DOCK4: variants seen among roughly 807,000 people sequenced by gnomAD.
DOCK4 encodes dedicator of cytokinesis protein 4.
Under a neutral mutation model 268.1 loss-of-function variants are expected in DOCK4, and 97 were observed. The ratio of observed to expected loss-of-function variants is 0.36; its 90% confidence interval spans 0.31 to 0.43. DOCK4 has a LOEUF of 0.43. Ranked by LOEUF, DOCK4 falls within the 20% of genes least tolerant of loss-of-function variation. The pLI is 1.00. For synonymous variants in DOCK4, 954 were observed against 887.2 expected (o/e 1.08, Z -1.34); for missense variants, 2,145 against 2,455.7 (o/e 0.87, Z 2.67).
chr7:111,855,364 T>G (rs1438063429), intron 23 of DOCK4, among the ~76,000 whole-genome samples: 1 of 151,808 alleles, frequency 6.6e-6, no homozygotes, highest in African/African-American at 2.4e-5. Flanking sequence ...CACGTGAGGT[T>G]TCTTGGCCAC....
At chr7:111,913,554 C>T (rs112012093) in intron 13 of DOCK4, among the ~76,000 whole-genome samples, 2,547 of 150,452 alleles carry the variant, frequency 0.017, 77 homozygotes, top group African/African-American at 0.057. Flanking sequence ...GGACTACAGG[C>T]GCCCGCCACC....
At chr7:111,999,350 T>C (rs976931051) in intron 3 of DOCK4, among the ~76,000 whole-genome samples, 3 of 152,066 alleles carry the variant, frequency 2.0e-5, no homozygotes, top group African/African-American at 4.8e-5. Context: ...GTAGTAAATA[T>C]ATATATGTAG....
At chr7:111,993,680 C>G (rs1586594471) in intron 5 of DOCK4, among the ~76,000 whole-genome samples, 2 of 152,108 alleles carry the variant, frequency 1.3e-5, no homozygotes, top group African/African-American at 4.8e-5. Flanking sequence ...AAACACAGAT[C>G]CTTTTTCCCC....
intron 16 of DOCK4, among the ~76,000 whole-genome samples, chr7:111,878,424 G>A (rs1256827040): frequency 6.6e-6 from 1 of 152,110 alleles, no homozygotes; most frequent in African/African-American, 2.4e-5. Context: ...ATTCTCCTGC[G>A]CCAACCCCAG....
intron 6 of DOCK4, among the ~76,000 whole-genome samples, chr7:111,987,789 C>T (rs2135203054): frequency 6.6e-6 from 1 of 152,350 alleles, no homozygotes; most frequent in Non-Finnish European, 1.5e-5. Flanking sequence ...AGCTCCCAGT[C>T]CTGTGCTCTT....
intron 1 of DOCK4, among the ~76,000 whole-genome samples, chr7:112,179,770 G>T (rs1019139788): frequency 6.6e-6 from 1 of 152,140 alleles, no homozygotes; most frequent in African/African-American, 2.4e-5. Context: ...AGATTTAGGA[G>T]ATTAGTATAG....
intron 1 of DOCK4, among the ~76,000 whole-genome samples, chr7:112,040,123 A>G (rs1804223186): frequency 6.6e-6 from 1 of 152,188 alleles, no homozygotes; most frequent in Admixed American, 6.5e-5. Flanking sequence ...GAGAAAGCTT[A>G]ATGAAACTGA....
At chr7:112,111,333 A>G (rs1461945957) in intron 1 of DOCK4, among the ~76,000 whole-genome samples, 1 of 151,600 alleles carries the variant, frequency 6.6e-6, no homozygotes, top group Non-Finnish European at 1.5e-5. Flanking sequence ...GGGAGGGGGT[A>G]GGGAAGGCCT....
chr7:112,043,988 A>G (rs960056783), intron 1 of DOCK4, among the ~76,000 whole-genome samples: 1 of 150,696 alleles, frequency 6.6e-6, no homozygotes, highest in Admixed American at 6.6e-5. Context: ...TCTCTTGGAT[A>G]GCACTTAACA....
chr7:112,186,501 G>A (rs1478835734), intron 1 of DOCK4, among the ~76,000 whole-genome samples: 2 of 152,232 alleles, frequency 1.3e-5, no homozygotes, highest in African/African-American at 4.8e-5. Flanking sequence ...TAGTTGTCAT[G>A]AGCACGGAAT....
intron 51 of DOCK4, among the ~76,000 whole-genome samples, chr7:111,733,463 A>C (rs1225756306): frequency 6.6e-6 from 1 of 152,192 alleles, no homozygotes; most frequent in African/African-American, 2.4e-5. Flanking sequence ...TACCAGCCTT[A>C]GTTCTCCTAT....
chr7:111,876,944 A>G, intron 17 of DOCK4, 86 bp downstream of exon 17: 3 of 1,187,818 alleles, frequency 2.5e-6, no homozygotes, highest in Non-Finnish European at 1.1e-6. Flanking sequence ...GTTCTTAACT[A>G]TCACTTTGGT....
intron 1 of DOCK4, among the ~76,000 whole-genome samples, chr7:112,182,605 A>G (rs1819155582): frequency 6.6e-6 from 1 of 152,250 alleles, no homozygotes; most frequent in Admixed American, 6.5e-5. Context: ...AGAGAGAAAC[A>G]CAATTAAGAG....
chr7:111,932,399 A>G lies in DOCK4; in HGVS notation c.1066+3141T>C, dbSNP rs879575621. On this transcript the variant is annotated intron_variant, in intron 12 of 52. Coordinates refer to ENST00000428084, the MANE Select transcript of DOCK4 (RefSeq NM_001363540.2). ...CAAGCAAATTAAGGTAACAGGACGCATAGGGAGAAAGAACAAGATACACCA... is the reference window on the plus strand; with the variant it reads ...CAAGCAAATTAAGGTAACAGGACGCGTAGGGAGAAAGAACAAGATACACCA... Among the ~76,000 whole-genome samples the G allele has an allele frequency of 6.6e-5, 10 of 152,306 alleles. No individual in the cohort carries two copies. The Middle Eastern group carries it at 0.01, about 155-fold the overall frequency.
At chr7:112,108,168 A>G (rs1192594844) in intron 1 of DOCK4, among the ~76,000 whole-genome samples, 2 of 152,236 alleles carry the variant, frequency 1.3e-5, no homozygotes, top group East Asian at 3.8e-4. Context: ...ACATGCTTAG[A>G]TATATGTTGA....
At chr7:112,200,353 G>C (rs1264148651) in intron 1 of DOCK4, among the ~76,000 whole-genome samples, 1 of 152,130 alleles carries the variant, frequency 6.6e-6, no homozygotes, top group Non-Finnish European at 1.5e-5. Context: ...AGTCAAACAA[G>C]ATTAAAAGCT....
chr7:111,994,747 A>C (rs981256775), intron 4 of DOCK4, among the ~76,000 whole-genome samples: 16 of 152,206 alleles, frequency 1.1e-4, no homozygotes, highest in Non-Finnish European at 4.4e-5. Context: ...GATCTCGGTA[A>C]CACTTAATTT....
At chr7:111,750,272 T>C (rs745723695) in intron 42 of DOCK4, among the ~76,000 whole-genome samples, 25 of 152,200 alleles carry the variant, frequency 1.6e-4, no homozygotes, top group Non-Finnish European at 3.2e-4. Context: ...AAAAGACAGG[T>C]GACTATGTCT....
intron 10 of DOCK4, among the ~76,000 whole-genome samples, chr7:111,943,784 A>C (rs1795386928): frequency 6.6e-6 from 1 of 152,256 alleles, no homozygotes; most frequent in Admixed American, 6.5e-5. Flanking sequence ...ACAGGTTTTC[A>C]GAATAGATTT....
Sources: gnomAD v4.1 joint callset for allele counts (sites outside exome capture counted in the v4.1 genomes callset) on GRCh38, gnomAD v4.1.1 for gene constraint, MANE v1.5 for transcripts, NCBI Gene and HGNC (gene_info 2026-07-23, HGNC 2026-07-21) for gene names.